Variants in CELF2 observed in about 807,000 individuals in gnomAD.
CELF2 encodes CUGBP Elav-like family member 2, also known as CUG triplet repeat RNA-binding protein 2.
A neutral mutation model predicts 62.6 loss-of-function variants in CELF2; 8 were observed. That is an observed-to-expected ratio of 0.13 (90% CI 0.07 to 0.23). The LOEUF (loss-of-function observed/expected upper bound fraction) is 0.23, where lower values mean the gene tolerates loss of function less well. Among genes scored for constraint, CELF2 ranks in the 10% least tolerant of loss-of-function variants. The probability of loss-of-function intolerance (pLI) is 1.00; values close to 1 mark genes in which losing one functional copy is unlikely to be tolerated. For missense variants in CELF2, 333 were observed against 671.0 expected, an observed-to-expected ratio of 0.50 and a Z score of 5.56; for synonymous variants, 258 against 250.0, an observed-to-expected ratio of 1.03 and a Z score of -0.30.
chr10:10,583,246 C>T, the CELF2 span, among the ~76,000 whole-genome samples: 1 of 152,198 alleles, frequency 6.6e-6, no homozygotes, highest in Non-Finnish European at 1.5e-5. Context: ...ATCTGCTCTT[C>T]TCCACTTTTA....
intron 3 of CELF2, among the ~76,000 whole-genome samples, chr10:11,245,968 C>T (rs1421088868): frequency 1.3e-5 from 2 of 152,218 alleles, no homozygotes; most frequent in Admixed American, 1.3e-4. Flanking sequence ...TGTCGTTAAT[C>T]ACCTGTGTCT....
chr10:11,100,862 T>C (rs2051403063), intron 1 of CELF2, among the ~76,000 whole-genome samples: 1 of 152,216 alleles, frequency 6.6e-6, no homozygotes, highest in African/African-American at 2.4e-5. Context: ...TCTGATTTTC[T>C]TCTCTTCTGT....
chr10:10,710,620 AT>A, the CELF2 span, among the ~76,000 whole-genome samples: 6 of 150,372 alleles, frequency 4.0e-5, no homozygotes, highest in Admixed American at 6.6e-5. Flanking sequence ...TTGAAATCTG[AT>A]TTTTTTTTTC....
At chr10:10,728,168 G>A in the CELF2 span, among the ~76,000 whole-genome samples, 3 of 151,588 alleles carry the variant, frequency 2.0e-5, no homozygotes, top group Non-Finnish European at 4.4e-5. Flanking sequence ...GACCAGTCGC[G>A]GTGGCTCATG....
At chr10:10,616,465 T>C in the CELF2 span, among the ~76,000 whole-genome samples, 1 of 152,040 alleles carries the variant, frequency 6.6e-6, no homozygotes. Context: ...ATGAAGGTTG[T>C]GTCCAGGTTT....
intron 2 of CELF2, among the ~76,000 whole-genome samples, chr10:11,213,794 TAATAA>T (rs1176358656): frequency 6.6e-6 from 1 of 152,214 alleles, no homozygotes; most frequent in Non-Finnish European, 1.5e-5. Context: ...CTGCAAATTT[TAATAA>T]AACTTAACCA....
At chr10:10,567,989 C>T in the CELF2 span, among the ~76,000 whole-genome samples, 4 of 152,132 alleles carry the variant, frequency 2.6e-5, no homozygotes, top group South Asian at 2.1e-4. Flanking sequence ...TCCTTACCCT[C>T]CTGGAACTCT....
chr10:11,166,207 G>A (rs1039062853), intron 2 of CELF2, among the ~76,000 whole-genome samples: 3 of 152,222 alleles, frequency 2.0e-5, no homozygotes, highest in African/African-American at 4.8e-5. Flanking sequence ...CCATTCCTGG[G>A]GGTCAGGTGG....
At chr10:10,534,352 A>G in the CELF2 span, among the ~76,000 whole-genome samples, 5 of 152,234 alleles carry the variant, frequency 3.3e-5, no homozygotes, top group Non-Finnish European at 4.4e-5. Context: ...GGCAACTCAG[A>G]GAACATCTTT....
At chr10:10,514,299 T>C in the CELF2 span, among the ~76,000 whole-genome samples, 4 of 152,218 alleles carry the variant, frequency 2.6e-5, no homozygotes, top group Admixed American at 6.5e-5. Flanking sequence ...GATCGATTCA[T>C]GGAATTTTTT....
chr10:10,486,631 A>G, the CELF2 span, among the ~76,000 whole-genome samples: 1 of 152,086 alleles, frequency 6.6e-6, no homozygotes, highest in Non-Finnish European at 1.5e-5. Context: ...TGAAAATCTG[A>G]AATCTGAAAA....
At chr10:10,531,843 A>G in the CELF2 span, among the ~76,000 whole-genome samples, 1 of 152,256 alleles carries the variant, frequency 6.6e-6, no homozygotes, top group African/African-American at 2.4e-5. Context: ...GATGATAGTC[A>G]GCACTCTGTG....
In CELF2 at chr10:10,868,245, A is replaced by G. The variant is rs367546426; in HGVS notation, c.54-51719A>G. On this transcript the variant is annotated intron_variant, in intron 1 of 13. Coordinates refer to the CELF2 transcript ENST00000636488. Reference sequence around the variant, plus strand: ...GGCTCTCTTGAGCACTTGACGTCAGATGTTGGCTAGGGCTGCAGCTATGGC... The same window carrying G: ...GGCTCTCTTGAGCACTTGACGTCAGGTGTTGGCTAGGGCTGCAGCTATGGC... 1.2e-4 allele frequency among the ~76,000 whole-genome samples: 18 copies of G among 152,300 alleles called. No homozygotes were observed. The South Asian group carries it at 1.5e-3, about 12-fold the overall frequency.
At chr10:10,784,262 T>C in the CELF2 span, among the ~76,000 whole-genome samples, 116 of 152,234 alleles carry the variant, frequency 7.6e-4, no homozygotes, top group Middle Eastern at 0.014. Flanking sequence ...CACCCCTGGG[T>C]TCCAGCCCCA....
At position 11,181,016 on chromosome 10, in the gene CELF2, G is replaced by A. The variant is rs574356432; in HGVS notation, c.271+15334G>A. Among the ~76,000 whole-genome samples the A allele has an allele frequency of 7.9e-5, 12 of 152,262 alleles. No homozygotes were observed. The South Asian group carries it at 1.2e-3, about 16-fold the overall frequency. ...TCCCTAATAACTGGGACTACAGGTG[G>A]CTGCCAGTATGCCCTGCTAATTTTT... On this transcript the variant is annotated intron_variant, in intron 2 of 12. Coordinates refer to ENST00000633077, the MANE Select transcript of CELF2 (RefSeq NM_001326342.2).
intron 5 of CELF2, among the ~76,000 whole-genome samples, chr10:11,261,467 A>G (rs1225420762): frequency 6.6e-5 from 10 of 152,022 alleles, no homozygotes; most frequent in Admixed American, 6.6e-4. Context: ...AAGAAAAGAA[A>G]GTATTTTTAA....
chr10:10,820,356 C>G (rs2056856449), intron 1 of CELF2, among the ~76,000 whole-genome samples: 1 of 152,202 alleles, frequency 6.6e-6, no homozygotes. Flanking sequence ...TGCTCCAACT[C>G]TCTGCATTGT....
chr10:11,025,556 C>T (rs933137938), intron 1 of CELF2, among the ~76,000 whole-genome samples: 1 of 152,114 alleles, frequency 6.6e-6, no homozygotes, highest in African/African-American at 2.4e-5. Context: ...CCTGAGGTCT[C>T]CCCAGTCATG....
chr10:10,495,149 C>T, the CELF2 span, among the ~76,000 whole-genome samples: 7 of 152,108 alleles, frequency 4.6e-5, no homozygotes, highest in Admixed American at 3.3e-4. Flanking sequence ...GGCATGGTGG[C>T]GGGCGCCTGT....
Sources: gnomAD v4.1 joint callset for allele counts (sites outside exome capture counted in the v4.1 genomes callset) on GRCh38, gnomAD v4.1.1 for gene constraint, MANE v1.5 for transcripts, NCBI Gene and HGNC (gene_info 2026-07-23, HGNC 2026-07-21) for gene names.